The following PAPPA variants were observed in gnomAD, a reference collection of about 807,000 sequenced individuals.
PAPPA encodes the protein pappalysin 1, also known as pappalysin-1.
PAPPA carries 60 observed loss-of-function variants against 164.0 expected under a neutral mutation model. That is an observed-to-expected ratio of 0.37 (90% CI 0.30 to 0.45). PAPPA has a LOEUF of 0.45. Ranked by LOEUF, PAPPA falls within the 20% of genes least tolerant of loss-of-function variation. PAPPA has a pLI of 1.00. For missense variants in PAPPA, 1,782 were observed against 2,087.3 expected (o/e 0.85, Z 2.85); for synonymous variants, 875 against 814.1 (o/e 1.07, Z -1.27).
At chr9:116,304,874 A>G (rs960094545) in intron 10 of PAPPA, among the ~76,000 whole-genome samples, 5 of 152,300 alleles carry the variant, frequency 3.3e-5, no homozygotes, top group African/African-American at 1.2e-4. Context: ...CTTGGACATA[A>G]TCTTTGTTAC....
intron 9 of PAPPA, among the ~76,000 whole-genome samples, chr9:116,294,157 G>A (rs1845472464): frequency 6.6e-6 from 1 of 152,122 alleles, no homozygotes. Context: ...TGTAGAGTTA[G>A]TGTGATAATG....
chr9:116,273,043 A>G (rs1039104982), intron 9 of PAPPA, among the ~76,000 whole-genome samples: 1 of 152,202 alleles, frequency 6.6e-6, no homozygotes, highest in Non-Finnish European at 1.5e-5. Context: ...CTTTGTCGTC[A>G]TCCTTATGGC....
intron 2 of PAPPA, among the ~76,000 whole-genome samples, chr9:116,194,561 C>T (rs1844081172): frequency 6.6e-6 from 1 of 152,170 alleles, no homozygotes; most frequent in African/African-American, 2.4e-5. Context: ...GGGTTTGAAT[C>T]TTGGCTCCGC....
In PAPPA at chr9:116,235,350, C is replaced by G. The variant is rs752732230; in HGVS notation, c.2445C>G (p.Asp815Glu). 6 of 1,613,972 alleles carry G rather than the reference C, an allele frequency of 3.7e-6. No homozygotes were observed. The East Asian group carries it at 1.1e-4, about 30-fold the overall frequency. Reference protein sequence around the residue: ...TDWDSSGAVNDIKLLAVSGKN... With the variant: ...TDWDSSGAVNEIKLLAVSGKN... ...GGGACTCTAGTGGAGCTGTCAATGACATCAAACTGTTGGCTGTCAGTGGGA... is the reference window on the plus strand; with the variant it reads ...GGGACTCTAGTGGAGCTGTCAATGAGATCAAACTGTTGGCTGTCAGTGGGA... Residue 815 changes from aspartate (D) to glutamate (E), a missense_variant, in exon 7 of 22, where the codon GAC (aspartate) becomes GAG (glutamate). Coordinates refer to ENST00000328252, the MANE Select transcript of PAPPA (RefSeq NM_002581.5).
intron 19 of PAPPA, among the ~76,000 whole-genome samples, chr9:116,375,855 A>G (rs186665071): frequency 7.9e-4 from 120 of 152,244 alleles, no homozygotes; most frequent in Admixed American, 4.0e-3. Context: ...CAGTTGAACA[A>G]CCTCTGATCA....
chr9:116,230,465 C>A (rs2118731119), intron 6 of PAPPA, among the ~76,000 whole-genome samples: 1 of 152,280 alleles, frequency 6.6e-6, no homozygotes, highest in South Asian at 2.1e-4. Context: ...CTCAGCCCTA[C>A]TATTGATGTA....
intron 9 of PAPPA, among the ~76,000 whole-genome samples, chr9:116,274,191 A>G (rs971868834): frequency 1.3e-5 from 2 of 152,108 alleles, no homozygotes; most frequent in Non-Finnish European, 2.9e-5. Context: ...ATACAAAACC[A>G]TCAGTGTTGT....
rs199707431 is a variant in PAPPA at position 116,211,823 on chromosome 9, C to A, written c.1809C>A (p.Thr603=). 1.2e-6 allele frequency: 2 copies of A among 1,614,066 alleles called. No homozygotes were observed. Among genetic ancestry groups the A allele is most frequent in the East Asian group, 2.2e-5 (1 of 44,874 alleles). The change falls in exon 4 of 22, where the codon ACC becomes ACA. Residue 603 remains threonine (T), a synonymous_variant. Transcript: ENST00000328252. ...AGACTGGAGACCTCTGCAATGATAC[C>A]AACCCAGCCCCTAAACACAAGTCCT... ...SFETGDLCND[T]NPAPKHKSCG... is the part of the protein sequence containing the mutation.
intron 1 of PAPPA, among the ~76,000 whole-genome samples, chr9:116,171,294 A>G (rs556253004): frequency 1.9e-4 from 29 of 152,272 alleles, no homozygotes; most frequent in African/African-American, 6.5e-4. Context: ...CTCTGGATGT[A>G]TGATGTAGCA....
intron 10 of PAPPA, among the ~76,000 whole-genome samples, chr9:116,329,231 G>C (rs2118944151): frequency 6.6e-6 from 1 of 152,278 alleles, no homozygotes; most frequent in African/African-American, 2.4e-5. Flanking sequence ...GGCTGTCATA[G>C]AAAATTCAGA....
chr9:116,360,645 T>C (rs1244037339), intron 17 of PAPPA, among the ~76,000 whole-genome samples: 1 of 152,188 alleles, frequency 6.6e-6, no homozygotes, highest in East Asian at 1.9e-4. Context: ...TGTGTGTTCA[T>C]TTATTTTCTT....
At chr9:116,301,060 C>A (rs1168681929) in intron 9 of PAPPA, among the ~76,000 whole-genome samples, 1 of 152,000 alleles carries the variant, frequency 6.6e-6, no homozygotes, top group Non-Finnish European at 1.5e-5. Flanking sequence ...AGAAACCAAA[C>A]CCTTGTCTTT....
intron 4 of PAPPA, among the ~76,000 whole-genome samples, chr9:116,212,751 A>AG (rs1844324374): frequency 6.6e-6 from 1 of 152,174 alleles, no homozygotes; most frequent in Non-Finnish European, 1.5e-5. Flanking sequence ...GGGAGGAGAG[A>AG]GGGAGGGCTG....
At chr9:116,197,347 A>G (rs1228474013) in intron 2 of PAPPA, among the ~76,000 whole-genome samples, 4 of 152,202 alleles carry the variant, frequency 2.6e-5, no homozygotes, top group African/African-American at 9.6e-5. Context: ...AGGATTGACC[A>G]GCCCCTGTAA....
intron 9 of PAPPA, among the ~76,000 whole-genome samples, chr9:116,279,288 G>A (rs1011809260): frequency 1.3e-5 from 2 of 152,112 alleles, no homozygotes; most frequent in African/African-American, 4.8e-5. Flanking sequence ...AAAAGGAGGC[G>A]ATGGGGCGGA....
chr9:116,205,914 C>T (rs556120338), intron 2 of PAPPA, among the ~76,000 whole-genome samples: 1 of 152,286 alleles, frequency 6.6e-6, no homozygotes, highest in South Asian at 2.1e-4. Context: ...AGGGCTGTAG[C>T]TTAAGAATGA....
intron 1 of PAPPA, among the ~76,000 whole-genome samples, chr9:116,180,335 T>C (rs1288473231): frequency 1.3e-5 from 2 of 151,952 alleles, no homozygotes; most frequent in African/African-American, 4.8e-5. Context: ...GTGGGGAGCT[T>C]TGGCTCTGGA....
At chr9:116,386,306 A>C (rs944593243) in intron 21 of PAPPA, among the ~76,000 whole-genome samples, 2 of 152,138 alleles carry the variant, frequency 1.3e-5, no homozygotes, top group African/African-American at 4.8e-5. Flanking sequence ...ACTTCTTGAA[A>C]CTTTTCTCCT....
At position 116,367,664 on chromosome 9, in the gene PAPPA, G is replaced by C; in HGVS notation, c.4515G>C (p.Ser1505=). The change falls in exon 19 of 22, where the codon TCG becomes TCC. Residue 1505 remains serine (S), a synonymous_variant. Coordinates refer to ENST00000328252, the MANE Select transcript of PAPPA (RefSeq NM_002581.5). ...CCTCAGGGTCGGAGTGTGCCACCTCGTGCCTGGACCACAACAGCGAGTCCA... is the reference window on the plus strand; with the variant it reads ...CCTCAGGGTCGGAGTGTGCCACCTCCTGCCTGGACCACAACAGCGAGTCCA... ...GYAIGSECAT[S]CLDHNSESII... 6.2e-7 allele frequency: 1 copy of C among 1,613,888 alleles called. No homozygotes were observed. Among genetic ancestry groups the C allele is most frequent in the African/African-American group, 1.3e-5 (1 of 75,012 alleles).
Sources: allele counts gnomAD v4.1 joint callset (sites outside exome capture counted in the v4.1 genomes callset), GRCh38; gene constraint gnomAD v4.1.1; transcripts MANE v1.5; gene names NCBI Gene and HGNC (gene_info 2026-07-23, HGNC 2026-07-21).